TTBK2: variants seen among roughly 807,000 people sequenced by gnomAD.
TTBK2 encodes the protein tau tubulin kinase 2, also known as tau-tubulin kinase 2.
Under a neutral mutation model 110.8 loss-of-function variants are expected in TTBK2, and 28 were observed. That is an observed-to-expected ratio of 0.25 (90% CI 0.19 to 0.35). The LOEUF (loss-of-function observed/expected upper bound fraction) is 0.35, where lower values mean the gene tolerates loss of function less well. Ranked by LOEUF, TTBK2 falls within the 10% of genes least tolerant of loss-of-function variation. The pLI is 1.00. For missense variants in TTBK2, 1,369 were observed against 1,500.3 expected, an observed-to-expected ratio of 0.91 and a Z score of 1.45; for synonymous variants, 532 against 527.3, an observed-to-expected ratio of 1.01 and a Z score of -0.12.
intron 2 of TTBK2, among the ~76,000 whole-genome samples, chr15:42,874,086 A>G (rs1396378883): frequency 6.6e-6 from 1 of 152,174 alleles, no homozygotes; most frequent in Non-Finnish European, 1.5e-5. Flanking sequence ...TAAATTAAAG[A>G]CCTGTCCATG....
At chr15:42,829,855 G>C in intron 5 of TTBK2, 83 bp downstream of exon 5, 3 of 1,558,112 alleles carry the variant, frequency 1.9e-6, no homozygotes, top group East Asian at 4.5e-5. Context: ...AATACACAAA[G>C]CTACATTTGT....
At chr15:42,778,388 G>A (rs1043537426) in intron 11 of TTBK2, among the ~76,000 whole-genome samples, 35 of 151,912 alleles carry the variant, frequency 2.3e-4, no homozygotes, top group African/African-American at 7.7e-4. Context: ...AAGATAGGCC[G>A]GGCGTGGTGG....
At chr15:42,825,668 T>C (rs1034262781) in intron 6 of TTBK2, among the ~76,000 whole-genome samples, 2 of 152,150 alleles carry the variant, frequency 1.3e-5, no homozygotes, top group East Asian at 3.8e-4. Flanking sequence ...TGAGTCGAGA[T>C]GGCGCCATCG....
At chr15:42,890,760 A>C (rs1345459849) in intron 1 of TTBK2, among the ~76,000 whole-genome samples, 1 of 152,230 alleles carries the variant, frequency 6.6e-6, no homozygotes, top group Non-Finnish European at 1.5e-5. Context: ...ATATGACTAC[A>C]TGACTAGAAC....
intron 4 of TTBK2, among the ~76,000 whole-genome samples, chr15:42,832,877 A>G (rs72713785): frequency 1.1e-4 from 16 of 152,194 alleles, no homozygotes; most frequent in Non-Finnish European, 1.8e-4. Context: ...TTGGGGCCTT[A>G]GAAAGTATCT....
At chr15:42,802,941 G>A (rs1210743193) in intron 9 of TTBK2, among the ~76,000 whole-genome samples, 1 of 152,192 alleles carries the variant, frequency 6.6e-6, no homozygotes, top group Non-Finnish European at 1.5e-5. Context: ...TAGCCTCCCA[G>A]CCTACATCTT....
rs987742580 is a variant in TTBK2, at chr15:42,743,775, A to T, written c.*2020T>A. 1 of 152,206 alleles carries T rather than the reference A, an allele frequency of 6.6e-6. No homozygotes were observed. Among genetic ancestry groups the T allele is most frequent in the Non-Finnish European group, 1.5e-5 (1 of 68,028 alleles). The allele number at this position is 152,206 out of a possible 1,614,324, so 9.4% of individuals were successfully genotyped here. A position where few individuals can be genotyped will look rare whatever the true frequency, so the allele number is the denominator to read the frequency against. ...TAAATAACCTATCTTGGCTTGTTAA[A>T]TACTGCCCACCCTTGCATTGTACAC... On this transcript the variant is annotated 3_prime_UTR_variant, in exon 15 of 15. Coordinates refer to ENST00000267890, the MANE Select transcript of TTBK2 (RefSeq NM_173500.4).
intron 3 of TTBK2, among the ~76,000 whole-genome samples, chr15:42,842,127 C>A (rs1893245015): frequency 1.3e-5 from 2 of 152,132 alleles, no homozygotes; most frequent in South Asian, 4.2e-4. Flanking sequence ...AAACTCTGGG[C>A]TTAAGCAATC....
intron 1 of TTBK2, among the ~76,000 whole-genome samples, chr15:42,897,972 T>C (rs1046833371): frequency 5.9e-5 from 9 of 151,516 alleles, no homozygotes; most frequent in African/African-American, 2.2e-4. Flanking sequence ...GGCAGATCCA[T>C]TGAGCCCAAG....
intron 3 of TTBK2, among the ~76,000 whole-genome samples, chr15:42,851,067 T>A: frequency 6.7e-6 from 1 of 148,582 alleles, no homozygotes. Context: ...CTACTAAAAA[T>A]AAAAAAATAA....
At chr15:42,800,840 C>G in intron 9 of TTBK2, 1 of 575,486 alleles carries the variant, frequency 1.7e-6, no homozygotes, top group Non-Finnish European at 3.1e-6. Flanking sequence ...TAAACTCCCT[C>G]GCGGATGGGC....
At chr15:42,833,107 A>G (rs1290690264) in intron 4 of TTBK2, among the ~76,000 whole-genome samples, 1 of 151,882 alleles carries the variant, frequency 6.6e-6, no homozygotes, top group East Asian at 1.9e-4. Context: ...ACTGAGCTTA[A>G]TACCTGGGTG....
chr15:42,872,293 T>C lies in TTBK2; in HGVS notation c.217+318A>G, dbSNP rs145150335. Among the ~76,000 whole-genome samples, 35 of 152,304 alleles carry C rather than the reference T, an allele frequency of 2.3e-4. No homozygotes were observed. In the East Asian group the frequency reaches 4.4e-3, roughly 19 times the overall value. ...ACAACTCAGAGGTATCTGTTATTGG[T>C]AGTTTAAAAAAGAAAGGCAAATAGC... is the stretch of plus-strand genomic sequence containing the variant. On this transcript the variant is annotated intron_variant, in intron 3 of 14. Coordinates refer to ENST00000267890, the MANE Select transcript of TTBK2 (RefSeq NM_173500.4).
At chr15:42,783,398 T>C (rs777620777) in intron 11 of TTBK2, 21 bp downstream of exon 11, 21 of 1,604,980 alleles carry the variant, frequency 1.3e-5, no homozygotes, top group Non-Finnish European at 1.1e-5. Flanking sequence ...TAAATTTCTG[T>C]TGTTTATAAG....
intron 1 of TTBK2, among the ~76,000 whole-genome samples, chr15:42,893,010 CA>C (rs780103161): frequency 0.024 from 1,371 of 57,674 alleles, 9 homozygotes; most frequent in African/African-American, 0.068. Context: ...GACTCTGTCT[CA>C]AAAAAAAAAA....
intron 10 of TTBK2, among the ~76,000 whole-genome samples, chr15:42,784,974 T>G (rs914774300): frequency 3.9e-5 from 6 of 152,184 alleles, no homozygotes; most frequent in African/African-American, 1.4e-4. Flanking sequence ...GGCCTCTTGA[T>G]TGATTTAGTT....
intron 4 of TTBK2, among the ~76,000 whole-genome samples, chr15:42,835,872 A>C (rs768068055): frequency 5.9e-5 from 9 of 152,196 alleles, no homozygotes; most frequent in Non-Finnish European, 8.8e-5. Flanking sequence ...ATAGTTGTTG[A>C]AGTTGGGTAA....
In TTBK2 at chr15:42,797,112, C is replaced by A. The variant is rs556275688; in HGVS notation, c.823-2311G>T. On this transcript the variant is annotated intron_variant, in intron 9 of 14. Coordinates refer to ENST00000267890, the MANE Select transcript of TTBK2 (RefSeq NM_173500.4). Reference sequence around the variant, plus strand: ...AGACCTTTGACCCTCTCTCCTAACTCTGAAATCAAGGTTCTCATAGGTTCT... The same window carrying A: ...AGACCTTTGACCCTCTCTCCTAACTATGAAATCAAGGTTCTCATAGGTTCT... Among the ~76,000 whole-genome samples the A allele has an allele frequency of 7.9e-5, 12 of 152,316 alleles. 1 individual carries two copies. Among genetic ancestry groups the A allele is most frequent in the African/African-American group, 2.9e-4 (12 of 41,572 alleles).
rs1433660955 is a variant in TTBK2 at position 42,859,921 on chromosome 15, C to T, written c.217+12690G>A. Among the ~76,000 whole-genome samples, 4 of 151,900 alleles carry T rather than the reference C, an allele frequency of 2.6e-5. No individual in the cohort carries two copies. In the East Asian group the frequency reaches 7.8e-4, roughly 29 times the overall value. ...AAAAGAAAACACTAAAGATCAAGAA[C>T]ACTGTAACAGAAATGATGAATGCCT... is the stretch of plus-strand genomic sequence containing the variant. On this transcript the variant is annotated intron_variant, in intron 3 of 14. Transcript: ENST00000267890.
Sources: gnomAD v4.1 joint callset for allele counts (sites outside exome capture counted in the v4.1 genomes callset) on GRCh38, gnomAD v4.1.1 for gene constraint, MANE v1.5 for transcripts, NCBI Gene and HGNC (gene_info 2026-07-23, HGNC 2026-07-21) for gene names.